GNB4: variants seen among roughly 807,000 people sequenced by gnomAD.
The protein encoded by GNB4 is guanine nucleotide-binding protein subunit beta-4.
In GNB4, 28 loss-of-function variants were observed where a neutral mutation model predicts 45.2. That is an observed-to-expected ratio of 0.62 (90% CI 0.46 to 0.85). The LOEUF (loss-of-function observed/expected upper bound fraction) is 0.85. Ranked by LOEUF, GNB4 falls within the 40% of genes least tolerant of loss-of-function variation. The pLI is 0.00. For missense variants in GNB4, 321 were observed against 425.4 expected (o/e 0.75, Z 2.16); for synonymous variants, 132 against 143.7 (o/e 0.92, Z 0.58).
At chr3:179,418,294 A>AC (rs1412621424) in intron 4 of GNB4, among the ~76,000 whole-genome samples, 2 of 151,798 alleles carry the variant, frequency 1.3e-5, no homozygotes, top group Non-Finnish European at 2.9e-5. Flanking sequence ...ACATGGTGAA[A>AC]CCCCCTCTCT....
rs552965063 is a variant in GNB4, at chr3:179,409,815, A to C, written c.699+3597T>G. 1.0e-4 allele frequency among the ~76,000 whole-genome samples: 12 copies of C among 117,272 alleles called. No homozygotes were observed. The East Asian group carries it at 3.6e-3, about 35-fold the overall frequency. The allele number at this position is 117,272 out of a possible 152,430, so 76.9% of individuals were successfully genotyped here. The stretch of plus-strand genomic sequence containing the variant: ...CAGAGCAAGACTCTGTCTCAAAAAA[A>C]AAAACAAAAAAACAAAACAAAAAAA... On this transcript the variant is annotated intron_variant, in intron 8 of 9. Transcript: ENST00000232564.
intron 8 of GNB4, among the ~76,000 whole-genome samples, chr3:179,406,891 G>A (rs1366537341): frequency 6.6e-6 from 1 of 151,846 alleles, no homozygotes; most frequent in Non-Finnish European, 1.5e-5. Flanking sequence ...CTGAGATTAC[G>A]GGCATAAGCC....
At chr3:179,426,585 TA>T (rs1177533136) in intron 1 of GNB4, among the ~76,000 whole-genome samples, 3 of 152,056 alleles carry the variant, frequency 2.0e-5, no homozygotes, top group African/African-American at 7.2e-5. Flanking sequence ...GATTGGCACC[TA>T]ACACAGTACC....
At chr3:179,483,323 T>C in the GNB4 span, among the ~76,000 whole-genome samples, 7 of 152,032 alleles carry the variant, frequency 4.6e-5, no homozygotes, top group East Asian at 1.4e-3. Flanking sequence ...AAAATCATAG[T>C]GAACTTATAA....
the GNB4 span, among the ~76,000 whole-genome samples, chr3:179,462,321 T>G: frequency 6.6e-6 from 1 of 152,236 alleles, no homozygotes; most frequent in African/African-American, 2.4e-5. Context: ...TGGTCTAAAC[T>G]ACTCTTGTGT....
intron 6 of GNB4, 40 bp from the exon 7 acceptor site, chr3:179,413,821 TTG>T: frequency 7.0e-7 from 1 of 1,421,928 alleles, no homozygotes; most frequent in African/African-American, 1.4e-5. Flanking sequence ...TTATCACTGA[TTG>T]AATAACTCAG....
At chr3:179,519,817 C>G in the GNB4 span, among the ~76,000 whole-genome samples, 1 of 152,140 alleles carries the variant, frequency 6.6e-6, no homozygotes, top group Non-Finnish European at 1.5e-5. Flanking sequence ...CCATTAAAAT[C>G]TAATCACCCT....
intron 2 of GNB4, among the ~76,000 whole-genome samples, chr3:179,424,806 C>T (rs1284712376): frequency 6.6e-6 from 1 of 152,040 alleles, no homozygotes; most frequent in African/African-American, 2.4e-5. Context: ...GACGGATCTC[C>T]CTATGTTGCC....
the GNB4 span, among the ~76,000 whole-genome samples, chr3:179,506,705 G>A: frequency 6.6e-6 from 1 of 152,098 alleles, no homozygotes; most frequent in African/African-American, 2.4e-5. Flanking sequence ...GATTATTGAA[G>A]TCAGTTACTT....
chr3:179,485,433 A>G, the GNB4 span, among the ~76,000 whole-genome samples: 3 of 152,164 alleles, frequency 2.0e-5, no homozygotes, highest in Non-Finnish European at 4.4e-5. Context: ...CTAGCCCTGT[A>G]CTGTATGTCA....
chr3:179,509,167 A>ATG, the GNB4 span, among the ~76,000 whole-genome samples: 1 of 35,200 alleles, frequency 2.8e-5, no homozygotes, highest in Non-Finnish European at 7.0e-5. Flanking sequence ...ATATATATAC[A>ATG]TACACACACA....
At chr3:179,449,888 T>C (rs1715825630) in intron 1 of GNB4, among the ~76,000 whole-genome samples, 1 of 152,098 alleles carries the variant, frequency 6.6e-6, no homozygotes, top group Admixed American at 6.5e-5. Flanking sequence ...TGCCCCAGAG[T>C]CTATTTTTAA....
Position 179,433,192 on chromosome 3 carries a change from C to T in GNB4, c.-42-6950G>A, listed in dbSNP as rs1381316126. ...CAAAACAGAAAATTGAGTGGGACTT[C>T]TCCCAATAACACAGATCTGATAAAT... On this transcript the variant is annotated intron_variant, in intron 1 of 9. Coordinates refer to ENST00000232564, the MANE Select transcript of GNB4 (RefSeq NM_021629.4). Among the ~76,000 whole-genome samples, 5 of 152,182 alleles carry T rather than the reference C, an allele frequency of 3.3e-5. No individual in the cohort carries two copies. In the East Asian group the frequency reaches 9.7e-4, roughly 29 times the overall value.
the GNB4 span, among the ~76,000 whole-genome samples, chr3:179,480,854 C>T: frequency 0.01 from 1,295 of 124,672 alleles, 9 homozygotes; most frequent in Middle Eastern, 0.021. Flanking sequence ...TTTTTTTTTT[C>T]TTTTTTTTTT....
chr3:179,485,041 C>G, the GNB4 span, among the ~76,000 whole-genome samples: 1 of 127,350 alleles, frequency 7.9e-6, no homozygotes, highest in East Asian at 2.3e-4. Context: ...GACGGAGTCT[C>G]GCTGTGTTGC....
At chr3:179,468,991 C>T in the GNB4 span, among the ~76,000 whole-genome samples, 2 of 152,100 alleles carry the variant, frequency 1.3e-5, no homozygotes, top group Admixed American at 1.3e-4. Flanking sequence ...TTATCTTAAC[C>T]CAGACCCTTT....
intron 1 of GNB4, among the ~76,000 whole-genome samples, chr3:179,427,943 C>G (rs1715193647): frequency 6.6e-6 from 1 of 152,098 alleles, no homozygotes; most frequent in African/African-American, 2.4e-5. Context: ...AAAACCCAAG[C>G]CTATAACTTT....
chr3:179,514,279 G>T, the GNB4 span, among the ~76,000 whole-genome samples: 2 of 152,174 alleles, frequency 1.3e-5, no homozygotes, highest in Non-Finnish European at 2.9e-5. Context: ...ATGGGGAAAG[G>T]CATTCTAGAG....
At chr3:179,421,851 G>A (rs1279657305) in intron 2 of GNB4, among the ~76,000 whole-genome samples, 2 of 152,176 alleles carry the variant, frequency 1.3e-5, no homozygotes, top group Non-Finnish European at 2.9e-5. Context: ...TGGGTTTAAA[G>A]ACCTCATCTG....
Sources: allele counts gnomAD v4.1 joint callset (sites outside exome capture counted in the v4.1 genomes callset), GRCh38; gene constraint gnomAD v4.1.1; transcripts MANE v1.5; gene names NCBI Gene and HGNC (gene_info 2026-07-23, HGNC 2026-07-21).